The following PJA2 variants were observed in gnomAD, a reference collection of about 807,000 sequenced individuals.
PJA2 encodes the protein praja ring finger ubiquitin ligase 2, also known as E3 ubiquitin-protein ligase Praja-2.
In PJA2, 25 loss-of-function variants were observed where a neutral mutation model predicts 69.3. The ratio of observed to expected loss-of-function variants is 0.36; its 90% CI spans 0.26 to 0.50. The LOEUF (loss-of-function observed/expected upper bound fraction) is 0.50. Among genes scored for constraint, PJA2 ranks in the 20% least tolerant of loss-of-function variants. The pLI is 0.96. For synonymous variants in PJA2, 308 were observed against 277.8 expected (o/e 1.11, Z -1.08); for missense variants, 809 against 830.2 (o/e 0.97, Z 0.31).
rs937204190 is a variant in PJA2, at chr5:109,335,689, C to G, written c.*1542G>C. The G allele has an allele frequency of 1.3e-5, 2 of 152,272 alleles. No individual in the cohort carries two copies. Among genetic ancestry groups the G allele is most frequent in the African/African-American group, 4.8e-5 (2 of 41,394 alleles). 9.4% of individuals were successfully genotyped at this position (152,272 alleles called of 1,614,324 possible). A position where few individuals can be genotyped will look rare whatever the true frequency, so the allele number is the denominator to read the frequency against. Reference sequence around the variant, plus strand: ...AATGAAATATGATATGGAAAGATCACAGAGTAGAAAACAAGCAAAGATTAG... The same window carrying G: ...AATGAAATATGATATGGAAAGATCAGAGAGTAGAAAACAAGCAAAGATTAG... On this transcript the variant is annotated 3_prime_UTR_variant, in exon 10 of 10. Transcript: ENST00000361189.
Position 109,409,831 on chromosome 5 carries a change from A to AG in PJA2, c.-88+10_-88+11insC. ...CAAGCCAGACTGAAAAAAAAAAAAA[A>AG]AAACCCTCACCGAAATGTGCAGCGG... On this transcript the variant is annotated intron_variant, in intron 1 of 9. Transcript: ENST00000361189. 1 of 156,358 alleles carries AG rather than the reference A, an allele frequency of 6.4e-6. No individual in the cohort carries two copies. The highest frequency in any genetic ancestry group is 2.4e-5 in the African/African-American group (1 of 41,412). The allele number at this position is 156,358 out of a possible 1,614,324, so 9.7% of individuals were successfully genotyped here. A position where few individuals can be genotyped will look rare whatever the true frequency, so the allele number is the denominator to read the frequency against.
intron 1 of PJA2, among the ~76,000 whole-genome samples, chr5:109,400,588 A>C (rs959583913): frequency 7.2e-5 from 11 of 152,152 alleles, no homozygotes; most frequent in African/African-American, 1.4e-4. Flanking sequence ...AAATCCCAAG[A>C]AGCTCAGTGA....
chr5:109,395,039 T>C (rs758867466), intron 1 of PJA2, among the ~76,000 whole-genome samples: 3 of 152,198 alleles, frequency 2.0e-5, no homozygotes, highest in Admixed American at 6.5e-5. Flanking sequence ...GTCAGAATAT[T>C]GTTAAGTCTT....
Position 109,378,804 on chromosome 5 carries a change from T to C in PJA2, c.683A>G (p.Asp228Gly), listed in dbSNP as rs371317472. 3 of 1,613,212 alleles carry C rather than the reference T, an allele frequency of 1.9e-6. No individual in the cohort carries two copies. In the South Asian group the frequency reaches 3.3e-5, roughly 18 times the overall value. Residue 228 changes from aspartate to glycine, a missense_variant, in exon 4 of 10, where the codon GAT becomes GGT. Coordinates refer to ENST00000361189, the MANE Select transcript of PJA2 (RefSeq NM_014819.5). ...PVPSFNCEVR[D>G]EFEELDSVPL... ...TACAGAATCTAACTCTTCAAACTCA[T>C]CTCTTACTTCACAGTTAAATGAGGG...
chr5:109,354,116 T>C (rs1762347327), intron 7 of PJA2, among the ~76,000 whole-genome samples: 1 of 97,892 alleles, frequency 1.0e-5, no homozygotes, highest in African/African-American at 3.6e-5. Flanking sequence ...ATAGATTAGA[T>C]ATCTATGGTA....
At chr5:109,359,785 A>G (rs1762479721) in intron 6 of PJA2, among the ~76,000 whole-genome samples, 1 of 152,218 alleles carries the variant, frequency 6.6e-6, no homozygotes, top group African/African-American at 2.4e-5. Context: ...TGGAACAACT[A>G]CAAACATCTA....
rs1747093679 is a variant in PJA2, at chr5:109,383,394, T to G, written c.31+9A>C. On this transcript the variant is annotated intron_variant, in intron 2 of 9. Coordinates refer to ENST00000361189, the MANE Select transcript of PJA2 (RefSeq NM_014819.5). ...AAGTACTCAATGTAGAAGAACTGAC[T>G]TTCCTTACCTGCTGGCTCCTTTTCA... 1 of 1,612,936 alleles carries G rather than the reference T, an allele frequency of 6.2e-7. No homozygotes were observed. The highest frequency in any genetic ancestry group is 8.5e-7 in the Non-Finnish European group (1 of 1,179,320).
chr5:109,385,789 G>A (rs371357207), intron 1 of PJA2, among the ~76,000 whole-genome samples: 5 of 152,188 alleles, frequency 3.3e-5, no homozygotes, highest in Middle Eastern at 3.4e-3. Flanking sequence ...CCAGAAGTGC[G>A]GATTTGGGAT....
intron 5 of PJA2, among the ~76,000 whole-genome samples, chr5:109,364,406 G>A (rs552742578): frequency 4.6e-5 from 7 of 151,756 alleles, no homozygotes; most frequent in South Asian, 4.2e-4. Flanking sequence ...GGCGGATCAC[G>A]AGGTCAGGAG....
intron 6 of PJA2, among the ~76,000 whole-genome samples, chr5:109,357,958 A>C (rs1410755522): frequency 2.0e-5 from 3 of 152,254 alleles, no homozygotes; most frequent in Admixed American, 2.0e-4. Flanking sequence ...CACTACAAAT[A>C]ATCATTTAAA....
At chr5:109,409,528 G>T (rs1463528199) in intron 1 of PJA2, among the ~76,000 whole-genome samples, 1 of 152,112 alleles carries the variant, frequency 6.6e-6, no homozygotes, top group Non-Finnish European at 1.5e-5. Context: ...AGCAGAAGAG[G>T]CAGCAGTAAA....
At chr5:109,394,172 C>T (rs906661897) in intron 1 of PJA2, among the ~76,000 whole-genome samples, 14 of 151,268 alleles carry the variant, frequency 9.3e-5, no homozygotes, top group African/African-American at 3.2e-4. Flanking sequence ...CTCAGCCTCC[C>T]GAGTAGCTGG....
rs554599789 is a variant in PJA2 at position 109,357,310 on chromosome 5, T to C, written c.1653-1284A>G. Among the ~76,000 whole-genome samples, 15 of 152,234 alleles carry C rather than the reference T, an allele frequency of 9.9e-5. 1 individual carries two copies. The highest frequency in any genetic ancestry group is 2.2e-4 in the African/African-American group (9 of 41,566). ...ATCCACAAACAACCTAGCTCAAAAA[T>C]AGTTTTGATGTCAACCCATGTGCCG... is the stretch of plus-strand genomic sequence containing the variant. On this transcript the variant is annotated intron_variant, in intron 6 of 9. Transcript: ENST00000361189.
At chr5:109,337,406 C>G in intron 9 of PJA2, 50 bp from the exon 10 acceptor site, 2 of 1,520,748 alleles carry the variant, frequency 1.3e-6, no homozygotes, top group Non-Finnish European at 1.8e-6. Flanking sequence ...TTAACTGCCA[C>G]ACAAGTAACT....
rs375992755 is a variant in PJA2, at chr5:109,358,885, C to T, written c.1653-2859G>A. The stretch of plus-strand genomic sequence containing the variant: ...CAAGAACCACTAATAGATGCTAAAA[C>T]TAGTGGATGGAAGTTTGATAGTTTA... On this transcript the variant is annotated intron_variant, in intron 6 of 9. Coordinates refer to ENST00000361189, the MANE Select transcript of PJA2 (RefSeq NM_014819.5). Among the ~76,000 whole-genome samples the T allele has an allele frequency of 9.2e-5, 14 of 152,268 alleles. No homozygotes were observed. In the East Asian group the frequency reaches 1.2e-3, roughly 13 times the overall value.
intron 7 of PJA2, among the ~76,000 whole-genome samples, chr5:109,348,424 A>T (rs1762202875): frequency 6.6e-6 from 1 of 152,210 alleles, no homozygotes; most frequent in Admixed American, 6.5e-5. Flanking sequence ...AAATTTCTCA[A>T]AAGTTTTACC....
chr5:109,391,454 T>C (rs1014740804), intron 1 of PJA2, among the ~76,000 whole-genome samples: 1 of 152,178 alleles, frequency 6.6e-6, no homozygotes, highest in African/African-American at 2.4e-5. Context: ...TTGAAGGATA[T>C]TCAAATGAGA....
intron 4 of PJA2, 24 bp from the exon 5 acceptor site, chr5:109,368,770 C>T (rs2078770838): frequency 6.2e-7 from 1 of 1,601,752 alleles, no homozygotes; most frequent in Non-Finnish European, 8.5e-7. Flanking sequence ...GAGAAATAAA[C>T]TATCATAATG....
intron 9 of PJA2, among the ~76,000 whole-genome samples, chr5:109,341,337 GTCTGGGAGGTGAGGAGCA>G (rs1762053045): frequency 6.7e-6 from 1 of 148,346 alleles, no homozygotes. Context: ...CCGAGACCCC[GTCTGGGAGGTGAGGAGCA>G]TCTCTGCCCG....
Sources: allele counts gnomAD v4.1 joint callset (sites outside exome capture counted in the v4.1 genomes callset), GRCh38; gene constraint gnomAD v4.1.1; transcripts MANE v1.5; gene names NCBI Gene and HGNC (gene_info 2026-07-23, HGNC 2026-07-21).